Variants in MDGA2 observed in about 807,000 individuals in gnomAD.
MDGA2 encodes MAM domain-containing glycosylphosphatidylinositol anchor protein 2.
In MDGA2, 40 loss-of-function variants were observed where a neutral mutation model predicts 117.8. That is an observed-to-expected ratio of 0.34 (90% confidence interval 0.26 to 0.44). The LOEUF (loss-of-function observed/expected upper bound fraction) is 0.44. MDGA2 is among the 20% of genes least tolerant of loss of function. The pLI, the probability that MDGA2 is intolerant of heterozygous loss-of-function variation, is 1.00. For synonymous variants in MDGA2, 452 were observed against 439.0 expected (o/e 1.03, Z -0.37); for missense variants, 1,123 against 1,250.6 (o/e 0.90, Z 1.54).
intron 1 of MDGA2, among the ~76,000 whole-genome samples, chr14:47,369,567 C>A (rs374648645): frequency 2.0e-5 from 3 of 152,198 alleles, no homozygotes; most frequent in Middle Eastern, 3.4e-3. Flanking sequence ...GCCATCTCCC[C>A]GGTCCCGACA....
chr14:46,971,247 G>T (rs191657608), intron 8 of MDGA2, among the ~76,000 whole-genome samples: 91 of 152,138 alleles, frequency 6.0e-4, no homozygotes, highest in African/African-American at 2.1e-3. Flanking sequence ...ATATCAAAGG[G>T]ATACGTACCT....
chr14:47,104,368 T>G, intron 5 of MDGA2, among the ~76,000 whole-genome samples: 1 of 150,726 alleles, frequency 6.6e-6, no homozygotes, highest in South Asian at 2.1e-4. Flanking sequence ...TTGCCTTAAC[T>G]GATGACATTA....
At chr14:47,187,690 GC>G (rs1223796939) in intron 3 of MDGA2, among the ~76,000 whole-genome samples, 1 of 151,978 alleles carries the variant, frequency 6.6e-6, no homozygotes, top group Non-Finnish European at 1.5e-5. Context: ...TATGAACAAT[GC>G]ACTTTCCAAC....
At chr14:47,473,292 C>T (rs1391695074) in intron 1 of MDGA2, among the ~76,000 whole-genome samples, 1 of 152,136 alleles carries the variant, frequency 6.6e-6, no homozygotes, top group Non-Finnish European at 1.5e-5. Flanking sequence ...CCCTCCAAGT[C>T]ACAGAGTATG....
rs138924908 is a variant in MDGA2 at position 47,249,308 on chromosome 14, C to T, written c.421-31113G>A. On this transcript the variant is annotated intron_variant, in intron 2 of 16. Coordinates refer to ENST00000399232, the MANE Select transcript of MDGA2 (RefSeq NM_001113498.3). Reference sequence around the variant, plus strand: ...CTGAGATTACAGGCATGAGTCACCACGCCCGGCCTCTTTCTTTCTTTCTTT... The same window carrying T: ...CTGAGATTACAGGCATGAGTCACCATGCCCGGCCTCTTTCTTTCTTTCTTT... Among the ~76,000 whole-genome samples the T allele has an allele frequency of 1.2e-4, 18 of 152,022 alleles. No homozygotes were observed. In the East Asian group the frequency reaches 3.3e-3, roughly 28 times the overall value.
chr14:47,181,203 A>C (rs1193541541), intron 3 of MDGA2, among the ~76,000 whole-genome samples: 1 of 152,082 alleles, frequency 6.6e-6, no homozygotes, highest in East Asian at 1.9e-4. Flanking sequence ...TGCATGCATT[A>C]GGTGTTTGTC....
chr14:46,989,595 T>C (rs967208638), intron 8 of MDGA2, among the ~76,000 whole-genome samples: 1 of 152,106 alleles, frequency 6.6e-6, no homozygotes, highest in Non-Finnish European at 1.5e-5. Context: ...AGTAAACTAC[T>C]GAGTAATTTG....
chr14:46,981,172 G>GGC (rs386381279), intron 8 of MDGA2, among the ~76,000 whole-genome samples: 30 of 17,680 alleles, frequency 1.7e-3, no homozygotes, highest in African/African-American at 0.011. Flanking sequence ...GGGAGGCCAA[G>GGC]GGGGGGGCGG....
At chr14:47,352,117 A>T (rs1466229276) in intron 1 of MDGA2, among the ~76,000 whole-genome samples, 2 of 152,140 alleles carry the variant, frequency 1.3e-5, no homozygotes, top group Admixed American at 6.5e-5. Context: ...CTGGCACATG[A>T]TTATTTCAAA....
chr14:47,076,068 C>A (rs1890479849), intron 6 of MDGA2, among the ~76,000 whole-genome samples: 1 of 151,984 alleles, frequency 6.6e-6, no homozygotes, highest in African/African-American at 2.4e-5. Flanking sequence ...GACTTTTACT[C>A]AATAAAATAT....
At chr14:47,145,494 C>T (rs1882905433) in intron 3 of MDGA2, among the ~76,000 whole-genome samples, 2 of 152,274 alleles carry the variant, frequency 1.3e-5, no homozygotes, top group South Asian at 4.1e-4. Flanking sequence ...TAAAAGTGTA[C>T]TTCCCTTAAA....
Position 47,629,270 on chromosome 14 carries a change from A to G in MDGA2, c.280+45247T>C, listed in dbSNP as rs1024030577. Among the ~76,000 whole-genome samples, 6 of 152,356 alleles carry G rather than the reference A, an allele frequency of 3.9e-5. No individual in the cohort carries two copies. In the East Asian group the frequency reaches 1.2e-3, roughly 29 times the overall value. On this transcript the variant is annotated intron_variant, in intron 1 of 16. Transcript: ENST00000399232. The stretch of plus-strand genomic sequence containing the variant: ...AGAAGGACAGCATATGATTCTTACA[A>G]CAGCATTATATTAATAGCAATTCTG...
At chr14:47,149,703 A>G (rs1018873941) in intron 3 of MDGA2, among the ~76,000 whole-genome samples, 9 of 152,176 alleles carry the variant, frequency 5.9e-5, no homozygotes, top group Admixed American at 5.2e-4. Flanking sequence ...GCTTTCCCCA[A>G]GCTTCCAAGA....
At chr14:47,596,145 T>A (rs1424856655) in intron 1 of MDGA2, among the ~76,000 whole-genome samples, 1 of 152,210 alleles carries the variant, frequency 6.6e-6, no homozygotes, top group Non-Finnish European at 1.5e-5. Flanking sequence ...TGTACACATT[T>A]GTCAAAACTC....
intron 1 of MDGA2, among the ~76,000 whole-genome samples, chr14:47,310,298 T>G (rs181455234): frequency 3.9e-5 from 6 of 152,228 alleles, no homozygotes; most frequent in African/African-American, 7.2e-5. Context: ...TTTGACAACT[T>G]CTGACAAGTA....
At position 47,019,104 on chromosome 14, in the gene MDGA2, A is replaced by C. The variant is rs560663344; in HGVS notation, c.1819+15907T>G. Among the ~76,000 whole-genome samples, 75 of 152,332 alleles carry C rather than the reference A, an allele frequency of 4.9e-4. 1 individual carries two copies. In the South Asian group the frequency reaches 0.015, roughly 30 times the overall value. On this transcript the variant is annotated intron_variant, in intron 8 of 16. Transcript: ENST00000399232. ...AATGAATTAATTGAAGTAAATATTT[A>C]TTGACTGAATTCCTCACAGCTTTCA...
chr14:47,238,708 CT>C (rs891639772), intron 2 of MDGA2, among the ~76,000 whole-genome samples: 1 of 151,462 alleles, frequency 6.6e-6, no homozygotes. Context: ...GACTTTAAAG[CT>C]TAGCAGTGTT....
chr14:47,237,801 C>T (rs1886913620), intron 2 of MDGA2, among the ~76,000 whole-genome samples: 2 of 152,096 alleles, frequency 1.3e-5, no homozygotes, highest in Admixed American at 6.5e-5. Flanking sequence ...TATTCATCTG[C>T]TTGCCCAAGT....
intron 1 of MDGA2, among the ~76,000 whole-genome samples, chr14:47,571,599 T>C (rs931369808): frequency 7.2e-5 from 11 of 152,248 alleles, no homozygotes; most frequent in Admixed American, 2.6e-4. Flanking sequence ...TTCATGTCCT[T>C]TGCAGGGACA....
Sources: allele counts gnomAD v4.1 joint callset (sites outside exome capture counted in the v4.1 genomes callset), GRCh38; gene constraint gnomAD v4.1.1; transcripts MANE v1.5; gene names NCBI Gene and HGNC (gene_info 2026-07-23, HGNC 2026-07-21).